Variants in TBC1D2 observed in about 807,000 individuals in gnomAD.
The protein encoded by TBC1D2 is TBC1 domain family member 2.
TBC1D2 carries 58 observed loss-of-function variants against 91.1 expected under a neutral mutation model. That is an observed-to-expected ratio of 0.64 (90% CI 0.52 to 0.79). The LOEUF (loss-of-function observed/expected upper bound fraction) is 0.79. Among genes scored for constraint, TBC1D2 ranks in the 30% least tolerant of loss-of-function variants. The pLI is 0.00. For missense variants in TBC1D2, 1,080 were observed against 1,208.3 expected (o/e 0.89, Z 1.57); for synonymous variants, 482 against 511.5 (o/e 0.94, Z 0.78).
chr9:98,199,305 C>T lies in TBC1D2; in HGVS notation c.*76G>A. 1 of 1,536,254 alleles carries T rather than the reference C, an allele frequency of 6.5e-7. No individual in the cohort carries two copies. Among genetic ancestry groups the T allele is most frequent in the South Asian group, 1.2e-5 (1 of 86,790 alleles). On this transcript the variant is annotated 3_prime_UTR_variant, in exon 13 of 13. Coordinates refer to ENST00000465784, the MANE Select transcript of TBC1D2 (RefSeq NM_001267571.2). The stretch of plus-strand genomic sequence containing the variant: ...GGTGATGGGACACCCAGGGCTGGGC[C>T]ACTGGTCCGTGCCTGACCTCCAGTG...
intron 4 of TBC1D2, among the ~76,000 whole-genome samples, chr9:98,232,340 C>CTTTTTTTTTTTTTTTTTTTTTTTTTT (rs1554754378): frequency 1.9e-5 from 1 of 52,046 alleles, no homozygotes; most frequent in East Asian, 4.4e-4. Flanking sequence ...TTCTCTTTTT[C>CTTTTTTTTTTTTTTTTTTTTTTTTTT]TGTTTTTTTT....
chr9:98,229,465 G>A (rs988509890), intron 4 of TBC1D2, among the ~76,000 whole-genome samples: 19 of 152,186 alleles, frequency 1.2e-4, no homozygotes, highest in African/African-American at 4.3e-4. Context: ...GCCTGCATTG[G>A]TCTATCTCAT....
In TBC1D2 at chr9:98,199,553, G is replaced by C. The variant is rs762636338; in HGVS notation, c.2615C>G (p.Pro872Arg). 9 of 1,614,126 alleles carry C rather than the reference G, an allele frequency of 5.6e-6. No homozygotes were observed. In the Admixed American group the frequency reaches 1.3e-4, roughly 24 times the overall value. ...LMNIAFNDMN[P>R]FRMKQLRQLR... ...CTGCCGCAGCTGTTTCATGCGGAAGGGGTTCATGTCATTGAAGGCGATGTT... is the reference window on the plus strand; with the variant it reads ...CTGCCGCAGCTGTTTCATGCGGAAGCGGTTCATGTCATTGAAGGCGATGTT... Residue 872 changes from proline (P) to arginine (R), a missense_variant, in exon 13 of 13, where the codon CCC becomes CGC. By Grantham distance (103) the Pro-to-Arg change is moderately radical. Coordinates refer to ENST00000465784, the MANE Select transcript of TBC1D2 (RefSeq NM_001267571.2).
chr9:98,255,590 A>C lies in TBC1D2; in HGVS notation c.-49T>G, dbSNP rs1314590934. 5 of 1,453,206 alleles carry C rather than the reference A, an allele frequency of 3.4e-6. No homozygotes were observed. The highest frequency in any genetic ancestry group is 4.5e-6 in the Non-Finnish European group (5 of 1,107,164). 90.0% of individuals were successfully genotyped at this position (1,453,206 alleles called of 1,614,324 possible). On this transcript the variant is annotated 5_prime_UTR_variant, in exon 1 of 13. Coordinates refer to ENST00000465784, the MANE Select transcript of TBC1D2 (RefSeq NM_001267571.2). ...GGGACGAGGGGTCCGCGGGACCACCAGGGACAAATCTCGGAGACTCGGCGG... is the reference window on the plus strand; with the variant it reads ...GGGACGAGGGGTCCGCGGGACCACCCGGGACAAATCTCGGAGACTCGGCGG...
At chr9:98,253,827 G>A (rs1315118852) in intron 1 of TBC1D2, among the ~76,000 whole-genome samples, 2 of 152,108 alleles carry the variant, frequency 1.3e-5, no homozygotes, top group Admixed American at 1.3e-4. Flanking sequence ...GTGCATGCAG[G>A]TTCTCCCTCA....
intron 6 of TBC1D2, among the ~76,000 whole-genome samples, chr9:98,216,649 A>G (rs907731421): frequency 1.3e-5 from 2 of 152,096 alleles, no homozygotes; most frequent in African/African-American, 2.4e-5. Flanking sequence ...CCTCCTTGAT[A>G]TCACCCCTTC....
intron 3 of TBC1D2, chr9:98,235,523 A>G (rs1027165946): frequency 2.2e-6 from 1 of 455,376 alleles, no homozygotes; most frequent in African/African-American, 2.0e-5. Flanking sequence ...TAATGTAGGT[A>G]TCACACTTCA....
At chr9:98,224,443 C>T (rs933199423) in intron 5 of TBC1D2, among the ~76,000 whole-genome samples, 4 of 151,778 alleles carry the variant, frequency 2.6e-5, no homozygotes, top group Non-Finnish European at 5.9e-5. Context: ...CCACATTGCC[C>T]AGCTAATTAT....
At chr9:98,231,419 C>G (rs554774844) in intron 4 of TBC1D2, among the ~76,000 whole-genome samples, 12 of 151,192 alleles carry the variant, frequency 7.9e-5, no homozygotes, top group African/African-American at 2.9e-4. Flanking sequence ...ATCTTTTCCT[C>G]CATTTAAAAA....
chr9:98,255,635 CACCTGG>C lies in TBC1D2; in HGVS notation c.-100_-95del, dbSNP rs2131308583. ...CGGCGGGCAGCTTCCCAAAGGGAGA[CACCTGG>C]GCGGGGGCGGGGCCGACGGCGAACC... is the stretch of plus-strand genomic sequence containing the variant. On this transcript the variant is annotated 5_prime_UTR_variant, in exon 1 of 13. Transcript: ENST00000465784. 1 of 1,371,664 alleles carries C rather than the reference CACCTGG, an allele frequency of 7.3e-7. No individual in the cohort carries two copies. Among genetic ancestry groups the C allele is most frequent in the East Asian group, 2.8e-5 (1 of 36,168 alleles). 85.0% of individuals were successfully genotyped at this position (1,371,664 alleles called of 1,614,324 possible).
In TBC1D2 at chr9:98,216,520, A is replaced by G. The variant is rs1272145875; in HGVS notation, c.1375-3302T>C. On this transcript the variant is annotated intron_variant, in intron 6 of 12. Transcript: ENST00000465784. The stretch of plus-strand genomic sequence containing the variant: ...GAGAAAGTAAGTTCCCCTTGTCACG[A>G]AAGAGAGCCAGGATCCAAACCCAGG... Among the ~76,000 whole-genome samples, 9 of 152,164 alleles carry G rather than the reference A, an allele frequency of 5.9e-5. No homozygotes were observed. The South Asian group carries it at 1.9e-3, about 32-fold the overall frequency.
intron 4 of TBC1D2, among the ~76,000 whole-genome samples, chr9:98,231,016 C>T (rs936523256): frequency 6.6e-6 from 1 of 152,152 alleles, no homozygotes; most frequent in South Asian, 2.1e-4. Context: ...CCTCTTTCTC[C>T]TTCCTGTAAT....
chr9:98,229,168 C>T lies in TBC1D2; in HGVS notation c.782-20G>A, dbSNP rs768142724. The T allele has an allele frequency of 1.2e-6, 2 of 1,612,556 alleles. No individual in the cohort carries two copies. The highest frequency in any genetic ancestry group is 1.7e-6 in the Non-Finnish European group (2 of 1,178,902). ...CTCTCCCTGCTCAAGAGGAGAAACG[C>T]AGAAGTTATGACTGATGACATCAGC... On this transcript the variant is annotated intron_variant, in intron 4 of 12. Coordinates refer to ENST00000465784, the MANE Select transcript of TBC1D2 (RefSeq NM_001267571.2).
intron 6 of TBC1D2, among the ~76,000 whole-genome samples, chr9:98,218,871 C>T (rs563582813): frequency 3.9e-5 from 6 of 152,298 alleles, no homozygotes; most frequent in East Asian, 3.9e-4. Context: ...CCCTGTGCTG[C>T]TCTACCGGGG....
intron 3 of TBC1D2, chr9:98,235,617 T>C (rs531812100): frequency 1.0e-5 from 4 of 398,880 alleles, no homozygotes; most frequent in East Asian, 6.7e-5. Context: ...CCTAGAATTA[T>C]TGTCTGTTTC....
At chr9:98,203,436 A>G in intron 9 of TBC1D2, 28 bp from the exon 10 acceptor site, 1 of 1,611,622 alleles carries the variant, frequency 6.2e-7, no homozygotes, top group Non-Finnish European at 8.5e-7. Context: ...GCCTGGAGTG[A>G]TTACAGAAGC....
intron 4 of TBC1D2, among the ~76,000 whole-genome samples, chr9:98,232,254 T>C (rs1829386032): frequency 6.6e-6 from 1 of 152,016 alleles, no homozygotes; most frequent in Admixed American, 6.5e-5. Context: ...ACTGGCCTTC[T>C]CTTGGACTGC....
intron 4 of TBC1D2, among the ~76,000 whole-genome samples, chr9:98,233,002 G>C (rs1203548574): frequency 6.6e-6 from 1 of 152,222 alleles, no homozygotes; most frequent in Non-Finnish European, 1.5e-5. Context: ...ATTTTTAGTA[G>C]CGTGGTGGTA....
At chr9:98,212,602 C>T (rs765613354) in intron 7 of TBC1D2, among the ~76,000 whole-genome samples, 3 of 152,002 alleles carry the variant, frequency 2.0e-5, no homozygotes, top group South Asian at 2.1e-4. Context: ...CCCAGGTTCA[C>T]GCCATTCTCC....
Sources: allele counts gnomAD v4.1 joint callset (sites outside exome capture counted in the v4.1 genomes callset), GRCh38; gene constraint gnomAD v4.1.1; transcripts MANE v1.5; gene names NCBI Gene and HGNC (gene_info 2026-07-23, HGNC 2026-07-21).